Variants in PLXDC2 observed in about 807,000 individuals in gnomAD.
PLXDC2 encodes plexin domain containing 2, also known as plexin domain-containing protein 2.
In PLXDC2, 40 loss-of-function variants were observed where a neutral mutation model predicts 68.9. That is an observed-to-expected ratio of 0.58 (90% CI 0.45 to 0.76). The LOEUF (loss-of-function observed/expected upper bound fraction) is 0.76, where lower values mean the gene tolerates loss of function less well. Ranked by LOEUF, PLXDC2 falls within the 30% of genes least tolerant of loss-of-function variation. The pLI, the probability that PLXDC2 is intolerant of heterozygous loss-of-function variation, is 0.00. For missense variants in PLXDC2, 644 were observed against 661.9 expected (o/e 0.97, Z 0.30); for synonymous variants, 243 against 234.2 (o/e 1.04, Z -0.34).
intron 1 of PLXDC2, among the ~76,000 whole-genome samples, chr10:19,840,872 A>C (rs1013049545): frequency 2.0e-5 from 3 of 152,300 alleles, no homozygotes; most frequent in Admixed American, 6.5e-5. Flanking sequence ...GATATATACT[A>C]TTCATGTCAT....
chr10:20,031,546 TAACA>T (rs752054303), intron 2 of PLXDC2, among the ~76,000 whole-genome samples: 7 of 152,162 alleles, frequency 4.6e-5, no homozygotes, highest in African/African-American at 1.4e-4. Context: ...TACTGCTAAG[TAACA>T]AACAACTCCA....
In PLXDC2 at chr10:20,026,869, ACAC is replaced by A. The variant is rs1835414520; in HGVS notation, c.325-19999_325-19997del. Among the ~76,000 whole-genome samples the A allele has an allele frequency of 4.1e-5, 6 of 145,118 alleles. 2 individuals carry two copies. The highest frequency in any genetic ancestry group is 1.5e-4 in the African/African-American group (6 of 40,120). On this transcript the variant is annotated intron_variant, in intron 2 of 13. Coordinates refer to ENST00000377252, the MANE Select transcript of PLXDC2 (RefSeq NM_032812.9). The stretch of plus-strand genomic sequence containing the variant: ...TATAATATATTCTAATATATAGAAT[ACAC>A]TTTTATAATATATTCTAATATATAG...
chr10:19,855,598 C>G (rs973794564), intron 1 of PLXDC2, among the ~76,000 whole-genome samples: 2 of 152,058 alleles, frequency 1.3e-5, no homozygotes, highest in African/African-American at 4.8e-5. Flanking sequence ...GTTCAGCATC[C>G]CTAACCTAAA....
chr10:19,987,543 T>G (rs967441840), intron 1 of PLXDC2, among the ~76,000 whole-genome samples: 1 of 144,220 alleles, frequency 6.9e-6, no homozygotes, highest in African/African-American at 2.6e-5. Context: ...TGAGTGTTGA[T>G]GTTATTTGGT....
intron 2 of PLXDC2, among the ~76,000 whole-genome samples, chr10:20,044,207 C>CTCTCTCTCTCTCTT (rs1564293827): frequency 1.1e-5 from 1 of 89,958 alleles, no homozygotes; most frequent in Non-Finnish European, 2.2e-5. Flanking sequence ...CTCTCTCTCT[C>CTCTCTCTCTCTCTT]TCTGTCTTTC....
chr10:19,883,013 G>C lies in PLXDC2; in HGVS notation c.112+65822G>C, dbSNP rs569708871. Among the ~76,000 whole-genome samples the C allele has an allele frequency of 1.2e-4, 17 of 147,146 alleles. No individual in the cohort carries two copies. The East Asian group carries it at 3.2e-3, about 28-fold the overall frequency. ...ACTTTGTCGCCCAGGCTGGAGTGCAGTGGCTCGATCTCGGCTCACTACAAG... is the reference window on the plus strand; with the variant it reads ...ACTTTGTCGCCCAGGCTGGAGTGCACTGGCTCGATCTCGGCTCACTACAAG... On this transcript the variant is annotated intron_variant, in intron 1 of 13. Transcript: ENST00000377252.
Position 19,983,001 on chromosome 10 carries a change from A to G in PLXDC2, c.113-18774A>G, listed in dbSNP as rs1039197135. Among the ~76,000 whole-genome samples the G allele has an allele frequency of 7.7e-4, 118 of 152,310 alleles. 1 individual carries two copies. The highest frequency in any genetic ancestry group is 2.8e-3 in the African/African-American group (117 of 41,570). On this transcript the variant is annotated intron_variant, in intron 1 of 13. Transcript: ENST00000377252. ...CATCATAGTCTCCAAATAATCATCT[A>G]TTATCAATGTTAACATACTTTTTAC...
intron 4 of PLXDC2, among the ~76,000 whole-genome samples, chr10:20,104,736 A>G (rs16916013): frequency 0.045 from 6,876 of 152,044 alleles, 207 homozygotes; most frequent in African/African-American, 0.084. Context: ...ACTTCTTGCA[A>G]TGTTGCCAAC....
chr10:20,067,473 G>A (rs1303427018), intron 3 of PLXDC2, among the ~76,000 whole-genome samples: 1 of 152,066 alleles, frequency 6.6e-6, no homozygotes, highest in Non-Finnish European at 1.5e-5. Flanking sequence ...ATCACCTAAG[G>A]TCAGGAGTTC....
At chr10:19,927,989 C>T (rs1833566722) in intron 1 of PLXDC2, among the ~76,000 whole-genome samples, 1 of 152,126 alleles carries the variant, frequency 6.6e-6, no homozygotes, top group Admixed American at 6.5e-5. Context: ...CATGATATCA[C>T]TCTGTATGCT....
intron 6 of PLXDC2, among the ~76,000 whole-genome samples, chr10:20,152,240 T>G (rs1214997866): frequency 6.6e-6 from 1 of 152,118 alleles, no homozygotes; most frequent in African/African-American, 2.4e-5. Flanking sequence ...ATAGTGGGAT[T>G]GAAATAGGGA....
chr10:20,003,292 A>G (rs981475536), intron 2 of PLXDC2, among the ~76,000 whole-genome samples: 3 of 152,172 alleles, frequency 2.0e-5, no homozygotes, highest in Non-Finnish European at 4.4e-5. Flanking sequence ...TTCGGCTGCC[A>G]TCACTTGTTT....
At chr10:20,078,861 C>T (rs182769608) in intron 4 of PLXDC2, among the ~76,000 whole-genome samples, 12 of 152,098 alleles carry the variant, frequency 7.9e-5, no homozygotes, top group African/African-American at 2.7e-4. Context: ...TCTGAATTCC[C>T]TTATTTTCCA....
At chr10:19,842,642 T>G (rs932182673) in intron 1 of PLXDC2, among the ~76,000 whole-genome samples, 7 of 152,340 alleles carry the variant, frequency 4.6e-5, no homozygotes, top group African/African-American at 1.7e-4. Context: ...CAGAAGATTA[T>G]CTGCAAAACC....
At chr10:20,234,843 G>C (rs79819414) in intron 12 of PLXDC2, among the ~76,000 whole-genome samples, 2,647 of 152,052 alleles carry the variant, frequency 0.017, 85 homozygotes, top group African/African-American at 0.059. Flanking sequence ...TTCCAGTACT[G>C]AGGCACTCAC....
chr10:20,145,125 A>G (rs112368519), intron 5 of PLXDC2, among the ~76,000 whole-genome samples: 3,870 of 152,284 alleles, frequency 0.025, 66 homozygotes, highest in South Asian at 0.067. Flanking sequence ...AAAAATAATT[A>G]CATACGTAAA....
intron 5 of PLXDC2, among the ~76,000 whole-genome samples, chr10:20,146,051 C>G (rs12762265): frequency 6.6e-6 from 1 of 152,042 alleles, no homozygotes; most frequent in African/African-American, 2.4e-5. Context: ...GAAACGGGTT[C>G]ATGCAGATTA....
At chr10:19,834,482 A>G (rs1836754006) in intron 1 of PLXDC2, among the ~76,000 whole-genome samples, 2 of 152,206 alleles carry the variant, frequency 1.3e-5, no homozygotes, top group Admixed American at 6.5e-5. Context: ...GACCGAATCA[A>G]TATCCCATTT....
chr10:20,268,321 A>G (rs187011984), intron 13 of PLXDC2, among the ~76,000 whole-genome samples: 124 of 152,266 alleles, frequency 8.1e-4, no homozygotes, highest in African/African-American at 2.8e-3. Flanking sequence ...TCATTTTTCA[A>G]TGTAGGACCT....
Sources: gnomAD v4.1 joint callset for allele counts (sites outside exome capture counted in the v4.1 genomes callset) on GRCh38, gnomAD v4.1.1 for gene constraint, MANE v1.5 for transcripts, NCBI Gene and HGNC (gene_info 2026-07-23, HGNC 2026-07-21) for gene names.